The following TOP2A variants were observed in gnomAD, a reference collection of about 807,000 sequenced individuals.
The protein encoded by TOP2A is DNA topoisomerase II alpha.
In TOP2A, 68 loss-of-function variants were observed where a neutral mutation model predicts 187.2. The ratio of observed to expected loss-of-function variants is 0.36; its 90% confidence interval spans 0.30 to 0.44. The LOEUF (loss-of-function observed/expected upper bound fraction) is 0.44, where lower values mean the gene tolerates loss of function less well. Ranked by LOEUF, TOP2A falls within the 20% of genes least tolerant of loss-of-function variation. TOP2A has a pLI of 1.00. For missense variants in TOP2A, 1,196 were observed against 1,808.7 expected (o/e 0.66, Z 6.14); for synonymous variants, 542 against 593.2 (o/e 0.91, Z 1.25).
In TOP2A at chr17:40,390,160, C is replaced by T. The variant is rs1206438693; in HGVS notation, c.4272G>A (p.Gln1424=). 1.9e-6 allele frequency: 3 copies of T among 1,609,884 alleles called. No homozygotes were observed. The Admixed American group carries it at 5.1e-5, about 27-fold the overall frequency. The change falls in exon 34 of 35, where the codon CAG becomes CAA. Residue 1424 remains glutamine, a synonymous_variant. Coordinates refer to ENST00000423485, the MANE Select transcript of TOP2A (RefSeq NM_001067.4). ...TGGCACCGGTAGTGGAGGTGGAAGACTGACCTGCAATTCAATACAGGCATT... is the reference window on the plus strand; with the variant it reads ...TGGCACCGGTAGTGGAGGTGGAAGATTGACCTGCAATTCAATACAGGCATT... The part of the protein sequence containing the change: ...VTVKKTAAKS[Q]SSTSTTGAKK...
chr17:40,407,027 G>T, intron 13 of TOP2A, 85 bp from the exon 14 acceptor site: 1 of 1,088,412 alleles, frequency 9.2e-7, no homozygotes, highest in Non-Finnish European at 1.4e-6. Context: ...ACTTTGGGAG[G>T]CCGAGGCAGG....
intron 30 of TOP2A, 34 bp downstream of exon 30, chr17:40,392,551 C>A: frequency 1.9e-6 from 3 of 1,589,210 alleles, no homozygotes; most frequent in South Asian, 1.2e-5. Context: ...TCCACTCTTA[C>A]AGTTTATCTA....
intron 29 of TOP2A, among the ~76,000 whole-genome samples, chr17:40,392,946 C>A (rs1567781271): frequency 6.6e-6 from 1 of 152,132 alleles, no homozygotes; most frequent in Non-Finnish European, 1.5e-5. Context: ...GTGGCTCATG[C>A]CTGTAATCCC....
intron 30 of TOP2A, 66 bp downstream of exon 30, chr17:40,392,519 T>C (rs1478320293): frequency 1.3e-6 from 2 of 1,525,882 alleles, no homozygotes; most frequent in Non-Finnish European, 1.8e-6. Context: ...TGGGGCAAAG[T>C]ACCCTGAAGT....
At chr17:40,417,633 A>G (rs1001351029) in intron 1 of TOP2A, 138 bp downstream of exon 1, 1 of 1,525,554 alleles carries the variant, frequency 6.6e-7, no homozygotes, top group Non-Finnish European at 8.8e-7. Context: ...ATCACCCCGG[A>G]ACCGGGAATG....
intron 10 of TOP2A, 122 bp from the exon 11 acceptor site, chr17:40,408,752 C>T (rs1475669903): frequency 1.8e-6 from 2 of 1,108,646 alleles, no homozygotes; most frequent in Non-Finnish European, 2.7e-6. Flanking sequence ...AGATGTAGAA[C>T]AATAATTTCT....
chr17:40,411,159 G>T lies in TOP2A; in HGVS notation c.1153C>A (p.Pro385Thr), dbSNP rs990318461. ...TGGCATGTTGATCCAAAGCTCTTGG[G>T]TTGTAAAGTCATGTTTTCTTTTGTC... ...SQTKENMTLQ[P>T]KSFGSTCQLS... The change falls in exon 10 of 35, where the codon CCC (proline) becomes ACC (threonine). Residue 385 changes from proline (P) to threonine (T), a missense_variant. Physicochemically the swap from Pro to Thr is conservative, Grantham distance 38 (BLOSUM62 -1). This residue lies in a region of TOP2A where 252 missense variants were observed against 434.8 expected (regional missense o/e 0.58). Coordinates refer to ENST00000423485, the MANE Select transcript of TOP2A (RefSeq NM_001067.4). The surrounding 1 kb of genome is among the most constrained non-coding windows in gnomAD (Gnocchi z 4.4). 3 of 1,613,110 alleles carry T rather than the reference G, an allele frequency of 1.9e-6. No homozygotes were observed. Among genetic ancestry groups the T allele is most frequent in the Non-Finnish European group, 2.5e-6 (3 of 1,179,622 alleles).
At chr17:40,405,813 C>G (rs2035237274) in intron 16 of TOP2A, among the ~76,000 whole-genome samples, 2 of 151,338 alleles carry the variant, frequency 1.3e-5, no homozygotes, top group East Asian at 3.9e-4. Context: ...GTTGCCCAGG[C>G]TGGAGAGCAG....
At chr17:40,402,804 GT>G (rs1218326555) in intron 20 of TOP2A, 101 bp downstream of exon 20, 34 of 1,307,862 alleles carry the variant, frequency 2.6e-5, no homozygotes, top group Non-Finnish European at 9.5e-6. Flanking sequence ...CTAGATGCCA[GT>G]ATCTTCTGAT....
rs770860030 is a variant in TOP2A, at chr17:40,417,818, AC to A, written c.-28del. On this transcript the variant is annotated 5_prime_UTR_variant, in exon 1 of 35. Transcript: ENST00000423485. ...GTGACGGTCGTGAAGGGGCTCAAGA[AC>A]CCTGAAAGCGACTAAACAGGCAGGA... is the stretch of plus-strand genomic sequence containing the variant. The A allele has an allele frequency of 8.7e-6, 14 of 1,613,194 alleles. No homozygotes were observed. In the East Asian group the frequency reaches 2.9e-4, roughly 33 times the overall value.
intron 29 of TOP2A, among the ~76,000 whole-genome samples, chr17:40,393,688 G>A (rs116994549): frequency 2.7e-3 from 416 of 152,266 alleles, no homozygotes; most frequent in Non-Finnish European, 4.7e-3. Flanking sequence ...GAATCAGGTT[G>A]GACACCTTCC....
Position 40,408,560 on chromosome 17 carries a change from T to C in TOP2A, c.1274A>G (p.Lys425Arg), listed in dbSNP as rs752295683. ...ATTATGTTTTACAGCTGAACACTTC[T>C]TGTTTAACTGGACTTGGGCCTTAAA... Reference protein sequence around the residue: ...VKFKAQVQLNKKCSAVKHNRI... With the variant: ...VKFKAQVQLNRKCSAVKHNRI... The change falls in exon 11 of 35, where the codon AAG becomes AGG. Residue 425 changes from lysine (K) to arginine (R), a missense_variant. By Grantham distance (26) the Lys-to-Arg change is conservative. Around this residue, in one of 10 missense-constraint regions of TOP2A, gnomAD observed 252 missense variants for 434.8 expected, o/e 0.58. Transcript: ENST00000423485. The C allele has an allele frequency of 6.2e-7, 1 of 1,613,758 alleles. No homozygotes were observed. Among genetic ancestry groups the C allele is most frequent in the South Asian group, 1.1e-5 (1 of 91,088 alleles).
Position 40,396,062 on chromosome 17 carries a change from CTCTGCCTCCCGGGTTCAAGCGATTCT to C in TOP2A, c.3720+195_3720+220del, listed in dbSNP as rs2035093350. 7.3e-5 allele frequency among the ~76,000 whole-genome samples: 11 copies of C among 151,140 alleles called. No individual in the cohort carries two copies. The South Asian group carries it at 2.3e-3, about 32-fold the overall frequency. ...TGGTGTGACCTTGGCTCACTGCAACCTCTGCCTCCCGGGTTCAAGCGATTCTTCTGCCTCAGTCTCCCGAGTAGCTG... is the reference window on the plus strand; with the variant it reads ...TGGTGTGACCTTGGCTCACTGCAACCTCTGCCTCAGTCTCCCGAGTAGCTG... On this transcript the variant is annotated intron_variant, in intron 28 of 34. Transcript: ENST00000423485.
rs1018918238 is a variant in TOP2A, at chr17:40,395,675, C to T, written c.3721-136G>A. 27 of 516,260 alleles carry T rather than the reference C, an allele frequency of 5.2e-5. 1 individual carries two copies. The highest frequency in any genetic ancestry group is 3.9e-4 in the Admixed American group (11 of 28,316). The allele number at this position is 516,260 out of a possible 1,614,324, so 32.0% of individuals were successfully genotyped here. A position where few individuals can be genotyped will look rare whatever the true frequency, so the allele number is the denominator to read the frequency against. On this transcript the variant is annotated intron_variant, in intron 28 of 34. Transcript: ENST00000423485. ...CTTTGGGAGGCCGTGGTGGGCAGATCTCTTGAGGTCAGGAGTTCGAGACCA... is the reference window on the plus strand; with the variant it reads ...CTTTGGGAGGCCGTGGTGGGCAGATTTCTTGAGGTCAGGAGTTCGAGACCA...
At chr17:40,411,000 A>C in intron 10 of TOP2A, 109 bp downstream of exon 10, 1 of 1,144,448 alleles carries the variant, frequency 8.7e-7, no homozygotes, top group Non-Finnish European at 1.2e-6. Flanking sequence ...CAGATTGGGA[A>C]GACTTGGAGA....
rs2035324869 is a variant in TOP2A at position 40,411,787 on chromosome 17, TACATGTCC to T, written c.813_820del (p.Asp272PhefsTer7). The T allele has an allele frequency of 1.9e-6, 3 of 1,602,796 alleles. No homozygotes were observed. The highest frequency in any genetic ancestry group is 2.5e-6 in the Non-Finnish European group (3 of 1,176,826). ...AGTTTCATCCAACTTGTCCTTCAAA[TACATGTCC>T]ACATAACTACGAAATCCTTTTACCT... On this transcript the variant is annotated frameshift_variant, in exon 8 of 35. Coordinates refer to ENST00000423485, the MANE Select transcript of TOP2A (RefSeq NM_001067.4). LOFTEE classifies it high-confidence loss of function. This position sits in a 1 kb window ranked among gnomAD's most constrained non-coding sequence, Gnocchi z 4.4.
chr17:40,412,247 GTTTC>G (rs1239253881), intron 7 of TOP2A, among the ~76,000 whole-genome samples: 1 of 152,166 alleles, frequency 6.6e-6, no homozygotes, highest in Non-Finnish European at 1.5e-5. Flanking sequence ...TATTTTAGGT[GTTTC>G]TTTGAGAAAG....
At chr17:40,410,605 G>C in intron 10 of TOP2A, 1 of 456,280 alleles carries the variant, frequency 2.2e-6, no homozygotes, top group Non-Finnish European at 4.4e-6. Context: ...ATAATGGTGA[G>C]AAGCTACTGC....
Position 40,391,582 on chromosome 17 carries a change from T to C in TOP2A, c.4191A>G (p.Thr1397=), listed in dbSNP as rs772805066. The C allele has an allele frequency of 3.7e-6, 6 of 1,612,924 alleles. No individual in the cohort carries two copies. Among genetic ancestry groups the C allele is most frequent in the Non-Finnish European group, 5.1e-6 (6 of 1,179,368 alleles). ...SVPLSSSPPA[T]HFPDETEITN... ...TAATTTCAGTTTCATCTGGGAAATG[T>C]GTAGCAGGAGGGCTTGAAGACAGTG... The change falls in exon 33 of 35, where the codon ACA becomes ACG. Residue 1397 remains threonine (T), a synonymous_variant. Transcript: ENST00000423485.
Sources: allele counts gnomAD v4.1 joint callset (sites outside exome capture counted in the v4.1 genomes callset), GRCh38; gene constraint gnomAD v4.1.1; regional missense constraint gnomAD v4.1.1; non-coding constraint Gnocchi (gnomAD v3.1); transcripts MANE v1.5; gene names NCBI Gene and HGNC (gene_info 2026-07-23, HGNC 2026-07-21).